Variants in GREB1L observed in about 807,000 individuals in gnomAD.
The protein encoded by GREB1L is GREB1-like protein.
GREB1L carries 17 observed loss-of-function variants against 200.8 expected under a neutral mutation model. The observed-to-expected ratio is 0.08, with a 90% CI of 0.06 to 0.13. The LOEUF is 0.13. Among genes scored for constraint, GREB1L ranks in the 10% least tolerant of loss-of-function variants. The pLI is 1.00. For missense variants in GREB1L, 1,657 were observed against 2,367.7 expected, an observed-to-expected ratio of 0.70 and a Z score of 6.23; for synonymous variants, 789 against 893.0, an observed-to-expected ratio of 0.88 and a Z score of 2.08.
At chr18:21,457,159 GT>G (rs1296435677) in intron 15 of GREB1L, among the ~76,000 whole-genome samples, 15 of 152,116 alleles carry the variant, frequency 9.9e-5, no homozygotes, top group Admixed American at 6.5e-4. Flanking sequence ...TGAATAAATT[GT>G]GCAGGTTTTT....
intron 17 of GREB1L, among the ~76,000 whole-genome samples, chr18:21,479,728 A>G (rs1252007162): frequency 1.3e-5 from 2 of 152,098 alleles, no homozygotes; most frequent in African/African-American, 4.8e-5. Context: ...TTAAGGTTTA[A>G]TAATGGTATT....
chr18:21,441,348 T>C, intron 9 of GREB1L, 52 bp from the exon 10 acceptor site: 1 of 1,439,010 alleles, frequency 6.9e-7, no homozygotes, highest in East Asian at 2.5e-5. Flanking sequence ...CTTTCTATTG[T>C]ATTTCATTTA....
chr18:21,494,828 G>T (rs2036483878), intron 19 of GREB1L, among the ~76,000 whole-genome samples: 1 of 152,140 alleles, frequency 6.6e-6, no homozygotes, highest in Non-Finnish European at 1.5e-5. Context: ...TTCTAAAATA[G>T]ACACATCTGT....
At chr18:21,502,361 C>A (rs1056466036) in intron 23 of GREB1L, among the ~76,000 whole-genome samples, 4 of 151,992 alleles carry the variant, frequency 2.6e-5, no homozygotes, top group Non-Finnish European at 5.9e-5. Context: ...GTAGAGGCAA[C>A]CAGGCGGAAG....
intron 7 of GREB1L, among the ~76,000 whole-genome samples, chr18:21,426,958 C>CAAAAAAAAAAAAAAAA (rs568993346): frequency 1.5e-5 from 1 of 68,426 alleles, no homozygotes; most frequent in African/African-American, 3.8e-5. Context: ...GACTACGTCT[C>CAAAAAAAAAAAAAAAA]AAAAAAAAAA....
chr18:21,369,885 G>C (rs2143715107), intron 2 of GREB1L, among the ~76,000 whole-genome samples: 1 of 149,122 alleles, frequency 6.7e-6, no homozygotes, highest in South Asian at 2.1e-4. Context: ...GGAGGCGGAG[G>C]TTACAGTGAG....
chr18:21,441,986 G>A (rs1383174910), intron 10 of GREB1L, among the ~76,000 whole-genome samples: 1 of 152,168 alleles, frequency 6.6e-6, no homozygotes, highest in Non-Finnish European at 1.5e-5. Flanking sequence ...CAAGGTCAGG[G>A]AGGAGACATT....
At chr18:21,392,890 ACCT>A (rs1242595210) in intron 4 of GREB1L, among the ~76,000 whole-genome samples, 1 of 151,020 alleles carries the variant, frequency 6.6e-6, no homozygotes, top group South Asian at 2.1e-4. Flanking sequence ...TCCCATCTTA[ACCT>A]CCTAGGTAGC....
intron 23 of GREB1L, among the ~76,000 whole-genome samples, chr18:21,501,544 G>A (rs1023689341): frequency 6.6e-6 from 1 of 152,064 alleles, no homozygotes; most frequent in South Asian, 2.1e-4. Context: ...TCATCCATGT[G>A]CCTGCAAAGG....
At chr18:21,424,229 G>A (rs2032386350) in intron 7 of GREB1L, among the ~76,000 whole-genome samples, 1 of 152,164 alleles carries the variant, frequency 6.6e-6, no homozygotes, top group Non-Finnish European at 1.5e-5. Flanking sequence ...ATTAGTCACA[G>A]AATTTTCCCT....
chr18:21,411,498 G>C (rs1166391287), intron 7 of GREB1L, among the ~76,000 whole-genome samples: 3 of 151,896 alleles, frequency 2.0e-5, no homozygotes, highest in African/African-American at 7.2e-5. Context: ...GAGCCACGGT[G>C]CCCAGCCAGA....
intron 1 of GREB1L, among the ~76,000 whole-genome samples, chr18:21,365,299 A>G (rs1019229691): frequency 7.2e-5 from 11 of 152,084 alleles, no homozygotes; most frequent in Non-Finnish European, 1.2e-4. Flanking sequence ...AAATGCTTCT[A>G]TGTTATCTAT....
chr18:21,376,409 A>G (rs1468525091), intron 2 of GREB1L, among the ~76,000 whole-genome samples: 1 of 149,258 alleles, frequency 6.7e-6, no homozygotes, highest in Non-Finnish European at 1.5e-5. Context: ...GGAATGAGCC[A>G]CCTGGCCTAT....
At chr18:21,404,126 A>G in intron 7 of GREB1L, 132 bp downstream of exon 7, 3 of 821,306 alleles carry the variant, frequency 3.7e-6, no homozygotes, top group South Asian at 3.6e-5. Flanking sequence ...AGTTACTATT[A>G]GAGTTAGAAT....
intron 27 of GREB1L, among the ~76,000 whole-genome samples, chr18:21,511,519 TTC>T (rs1310413617): frequency 2.0e-5 from 3 of 152,242 alleles, no homozygotes; most frequent in Non-Finnish European, 4.4e-5. Flanking sequence ...CCCCTATGTT[TTC>T]TCCTAAATGA....
intron 1 of GREB1L, among the ~76,000 whole-genome samples, chr18:21,322,259 G>T (rs2038962269): frequency 1.3e-5 from 2 of 151,974 alleles, no homozygotes; most frequent in Non-Finnish European, 2.9e-5. Flanking sequence ...CAAAAAAGCT[G>T]GTATTAAATT....
At chr18:21,327,579 A>T (rs2039041229) in intron 1 of GREB1L, among the ~76,000 whole-genome samples, 1 of 151,872 alleles carries the variant, frequency 6.6e-6, no homozygotes, top group Admixed American at 6.6e-5. Context: ...CCTGTGAATT[A>T]TCTTTTTGAA....
chr18:21,438,975 A>AAAAAAAAAAG (rs1426583915), intron 7 of GREB1L, among the ~76,000 whole-genome samples: 3 of 144,972 alleles, frequency 2.1e-5, no homozygotes, highest in Non-Finnish European at 4.5e-5. Flanking sequence ...AAAAAAAAAA[A>AAAAAAAAAAG]AAAAGAAAAG....
chr18:21,458,030 G>A (rs1423108444), intron 15 of GREB1L, among the ~76,000 whole-genome samples: 36 of 148,536 alleles, frequency 2.4e-4, no homozygotes, highest in African/African-American at 8.5e-4. Context: ...GTGCAGTGGC[G>A]CGTTCTTGGC....
Sources: gnomAD v4.1 joint callset for allele counts (sites outside exome capture counted in the v4.1 genomes callset) on GRCh38, gnomAD v4.1.1 for gene constraint, MANE v1.5 for transcripts, NCBI Gene and HGNC (gene_info 2026-07-23, HGNC 2026-07-21) for gene names.